ZNHIT3: variants seen among roughly 807,000 people sequenced by gnomAD.
The protein encoded by ZNHIT3 is zinc finger HIT domain-containing protein 3.
A neutral mutation model predicts 19.9 loss-of-function variants in ZNHIT3; 27 were observed. That is an observed-to-expected ratio of 1.36 (90% CI 1.00 to 1.87). ZNHIT3 has a LOEUF of 1.87. Ranked by LOEUF, ZNHIT3 falls within the 40% of genes most tolerant of loss-of-function variation. The probability of loss-of-function intolerance (pLI) is 0.00; values close to 1 mark genes in which losing one functional copy is unlikely to be tolerated. For missense variants in ZNHIT3, 215 were observed against 185.6 expected (o/e 1.16, Z -0.92); for synonymous variants, 81 against 65.7 (o/e 1.23, Z -1.13).
intron 4 of ZNHIT3, among the ~76,000 whole-genome samples, chr17:36,494,497 G>A (rs1291535458): frequency 6.6e-6 from 1 of 152,202 alleles, no homozygotes; most frequent in Non-Finnish European, 1.5e-5. Flanking sequence ...GGGGGAAACA[G>A]GTGTTGCCAT....
At chr17:36,486,841 GCGGGAGGC>G (rs532017720) in intron 1 of ZNHIT3, 56 bp downstream of exon 1, 302 of 1,599,734 alleles carry the variant, frequency 1.9e-4, no homozygotes, top group South Asian at 2.9e-4. Flanking sequence ...TGGCGGGAGG[GCGGGAGGC>G]CGGGAGGCCG....
At chr17:36,490,675 G>T (rs1254732399) in intron 2 of ZNHIT3, 1 of 152,106 alleles carries the variant, frequency 6.6e-6, no homozygotes, top group African/African-American at 2.4e-5. Flanking sequence ...ACTTTGGGTA[G>T]TATGGTCATT....
chr17:36,498,338 G>A (rs1225858643), downstream of ZNHIT3: 1 of 1,614,036 alleles, frequency 6.2e-7, no homozygotes, highest in South Asian at 1.1e-5. Context: ...TACTGGGGCT[G>A]CCCCTGGGGA....
chr17:36,489,335 A>G (rs1328268552), intron 2 of ZNHIT3: 1 of 152,138 alleles, frequency 6.6e-6, no homozygotes, highest in Non-Finnish European at 1.5e-5. Flanking sequence ...ATCATATGGT[A>G]GTTCTATTCG....
chr17:36,496,104 G>C (rs1053792856), downstream of ZNHIT3: 1 of 1,133,478 alleles, frequency 8.8e-7, no homozygotes, highest in African/African-American at 1.5e-5. Context: ...ACTGGGCACG[G>C]GGCTCTGGGT....
intron 2 of ZNHIT3, chr17:36,492,526 C>G (rs746224119): frequency 3.5e-5 from 14 of 404,478 alleles, no homozygotes; most frequent in Non-Finnish European, 5.7e-5. Context: ...GCAGCTATTT[C>G]AAACACCTCA....
At chr17:36,497,284 C>T (rs189848835), downstream of ZNHIT3, among the ~76,000 whole-genome samples, 1 of 149,436 alleles carries the variant, frequency 6.7e-6, no homozygotes, top group Non-Finnish European at 1.5e-5. Context: ...TCCTGGGCGA[C>T]AGAGTGAGAC....
intron 2 of ZNHIT3, among the ~76,000 whole-genome samples, chr17:36,488,563 TAAAAATA>T (rs891882909): frequency 1.8e-4 from 28 of 152,200 alleles, no homozygotes; most frequent in African/African-American, 5.8e-4. Flanking sequence ...TTAAAAAAAT[TAAAAATA>T]AAGACTAGTG....
chr17:36,497,466 C>G (rs954847429), downstream of ZNHIT3: 4 of 898,570 alleles, frequency 4.5e-6, no homozygotes, highest in Non-Finnish European at 5.3e-6. Flanking sequence ...CTCCTCACAA[C>G]CCAAGTTGTG....
At chr17:36,499,150 G>T, downstream of ZNHIT3, 1 of 1,605,444 alleles carries the variant, frequency 6.2e-7, no homozygotes, top group Non-Finnish European at 8.5e-7. Context: ...GAGTTAACCA[G>T]GAACGAATGG....
chr17:36,498,689 G>A, downstream of ZNHIT3: 8 of 1,140,074 alleles, frequency 7.0e-6, no homozygotes, highest in Non-Finnish European at 9.7e-6. Context: ...CAAACAGCTG[G>A]CTGCCCTGAA....
chr17:36,492,695 C>T lies in ZNHIT3; in HGVS notation c.119-118C>T, dbSNP rs1599151872. 3.8e-5 allele frequency: 31 copies of T among 823,310 alleles called. No individual in the cohort carries two copies. The East Asian group carries it at 7.1e-4, about 19-fold the overall frequency. The allele number at this position is 823,310 out of a possible 1,614,324, so 51.0% of individuals were successfully genotyped here. ...TCACTTCTTCCACATTCCTGGGCAC[C>T]CACCCACATCCCTTACCCCAGACAC... On this transcript the variant is annotated intron_variant, in intron 2 of 4. Transcript: ENST00000617429.
chr17:36,496,888 A>G (rs2071027219), downstream of ZNHIT3, among the ~76,000 whole-genome samples: 1 of 152,192 alleles, frequency 6.6e-6, no homozygotes, highest in Non-Finnish European at 1.5e-5. Flanking sequence ...ACCAGGATCC[A>G]GACCCTGGGG....
chr17:36,498,906 T>C, downstream of ZNHIT3: 1 of 609,200 alleles, frequency 1.6e-6, no homozygotes, highest in East Asian at 2.8e-5. Context: ...CCCTGCAGGG[T>C]AGGTGTTACT....
At chr17:36,490,070 A>G (rs1025796626) in intron 2 of ZNHIT3, 1 of 147,426 alleles carries the variant, frequency 6.8e-6, no homozygotes, top group South Asian at 2.1e-4. Context: ...CCTTTGTTGT[A>G]CAGAAGCTTT....
downstream of ZNHIT3, among the ~76,000 whole-genome samples, chr17:36,496,560 A>C (rs755320578): frequency 3.9e-5 from 6 of 152,178 alleles, no homozygotes; most frequent in Non-Finnish European, 8.8e-5. Flanking sequence ...ACATCCACTC[A>C]GTGTGAGACA....
chr17:36,488,403 G>A (rs772077289), intron 2 of ZNHIT3, among the ~76,000 whole-genome samples: 4 of 151,946 alleles, frequency 2.6e-5, no homozygotes, highest in Non-Finnish European at 4.4e-5. Context: ...AAATAAGCTG[G>A]GTGTGGAGGT....
rs117799177 is a variant in ZNHIT3 at position 36,494,242 on chromosome 17, C to T, written c.286+236C>T. 6.6e-3 allele frequency among the ~76,000 whole-genome samples: 1,002 copies of T among 152,302 alleles called. 5 individuals are homozygous for T. The highest frequency in any genetic ancestry group is 0.027 in the Middle Eastern group (8 of 294). On this transcript the variant is annotated intron_variant, in intron 4 of 4. Coordinates refer to ENST00000617429, the MANE Select transcript of ZNHIT3 (RefSeq NM_004773.4). ...GGCAAAATTCTGCTCCTCCTTCAAGCCTTGGTTCAAGTTTTCTTCACTCAG... is the reference window on the plus strand; with the variant it reads ...GGCAAAATTCTGCTCCTCCTTCAAGTCTTGGTTCAAGTTTTCTTCACTCAG...
At chr17:36,498,864 GT>G, downstream of ZNHIT3, 2 of 592,826 alleles carry the variant, frequency 3.4e-6, no homozygotes, top group Admixed American at 3.0e-5. Flanking sequence ...TATTCCCAGA[GT>G]TGCTTATACC....
Sources: gnomAD v4.1 joint callset for allele counts (sites outside exome capture counted in the v4.1 genomes callset) on GRCh38, gnomAD v4.1.1 for gene constraint, MANE v1.5 for transcripts, NCBI Gene and HGNC (gene_info 2026-07-23, HGNC 2026-07-21) for gene names.